The following NF1 variants were observed in gnomAD, a reference collection of about 807,000 sequenced individuals.
NF1 encodes the protein neurofibromin.
A neutral mutation model predicts 325.7 loss-of-function variants in NF1; 122 were observed. The ratio of observed to expected loss-of-function variants is 0.37; its 90% CI spans 0.32 to 0.44. The LOEUF (loss-of-function observed/expected upper bound fraction) is 0.44. Among genes scored for constraint, NF1 ranks in the 20% least tolerant of loss-of-function variants. NF1 has a pLI of 1.00. For synonymous variants in NF1, 1,091 were observed against 1,186.0 expected (o/e 0.92, Z 1.65); for missense variants, 2,140 against 3,415.4 (o/e 0.63, Z 9.31).
chr17:31,193,765 C>T (rs1266200103), intron 8 of NF1, among the ~76,000 whole-genome samples: 2 of 151,966 alleles, frequency 1.3e-5, no homozygotes, highest in African/African-American at 4.8e-5. Flanking sequence ...GACACATGAC[C>T]AACAGATATA....
intron 1 of NF1, among the ~76,000 whole-genome samples, chr17:31,143,099 C>T (rs1916348678): frequency 6.6e-6 from 1 of 152,066 alleles, no homozygotes; most frequent in South Asian, 2.1e-4. Context: ...AGAATTTATA[C>T]ATTTTCTTGT....
chr17:31,285,277 T>TAAAAA (rs36047376), intron 36 of NF1, among the ~76,000 whole-genome samples: 5 of 120,876 alleles, frequency 4.1e-5, no homozygotes, highest in African/African-American at 1.6e-4. Flanking sequence ...AGATTCTGTT[T>TAAAAA]AAAAAAAAAA....
rs2151559216 is a variant in NF1 at position 31,338,742 on chromosome 17, C to T, written c.6858C>T (p.Asn2286=). The change falls in exon 46 of 58, where the codon AAC becomes AAT. Residue 2286 remains asparagine (N), a synonymous_variant. Coordinates refer to ENST00000358273, the MANE Select transcript of NF1 (RefSeq NM_001042492.3). Reference sequence around the variant, plus strand: ...GCTTAAAAGGACCTGACACTTACAACAGTCAAGTTCTGATAGAAGCTACAG... The same window carrying T: ...GCTTAAAAGGACCTGACACTTACAATAGTCAAGTTCTGATAGAAGCTACAG... ...ESCLKGPDTY[N]SQVLIEATVI... is the part of the protein sequence containing the mutation. The T allele has an allele frequency of 6.2e-7, 1 of 1,613,272 alleles. No homozygotes were observed. The highest frequency in any genetic ancestry group is 8.5e-7 in the Non-Finnish European group (1 of 1,179,462).
chr17:31,310,783 T>C (rs902203601), intron 36 of NF1, among the ~76,000 whole-genome samples: 2 of 152,200 alleles, frequency 1.3e-5, no homozygotes, highest in Non-Finnish European at 2.9e-5. Context: ...TGCCGGTTTT[T>C]ACTCATTATT....
Position 31,130,057 on chromosome 17 carries a change from C to T in NF1, c.61-25926C>T, listed in dbSNP as rs149853997. Among the ~76,000 whole-genome samples, 17 of 148,272 alleles carry T rather than the reference C, an allele frequency of 1.1e-4. No individual in the cohort carries two copies. The East Asian group carries it at 3.2e-3, about 28-fold the overall frequency. ...TCATCTTTGTGGGCTGATGTTCCTT[C>T]AGTCTTTGAAGTCGCTGTTTTTTTT... On this transcript the variant is annotated intron_variant, in intron 1 of 57. Coordinates refer to ENST00000358273, the MANE Select transcript of NF1 (RefSeq NM_001042492.3).
chr17:31,205,076 T>G (rs2066596656), intron 11 of NF1, among the ~76,000 whole-genome samples: 1 of 152,158 alleles, frequency 6.6e-6, no homozygotes, highest in Non-Finnish European at 1.5e-5. Context: ...AGTTCAGTAT[T>G]CAAAATGTGT....
intron 36 of NF1, chr17:31,295,027 C>T (rs2068431264): frequency 6.2e-7 from 1 of 1,614,074 alleles, no homozygotes; most frequent in Non-Finnish European, 8.5e-7. Context: ...CCAGCATGAC[C>T]ACAACATTGA....
intron 34 of NF1, 36 bp from the exon 35 acceptor site, chr17:31,261,674 CT>C: frequency 6.2e-7 from 1 of 1,611,046 alleles, no homozygotes; most frequent in Admixed American, 1.7e-5. Context: ...TAAATGTGAA[CT>C]GCTAATTTTT....
At chr17:31,226,782 A>C in intron 18 of NF1, 98 bp downstream of exon 18, 1 of 1,509,792 alleles carries the variant, frequency 6.6e-7, no homozygotes, top group South Asian at 1.1e-5. Context: ...GTAAGTTTAC[A>C]GGGGAAATTC....
chr17:31,225,691 T>G (rs2067001463), intron 17 of NF1, among the ~76,000 whole-genome samples: 1 of 152,216 alleles, frequency 6.6e-6, no homozygotes, highest in African/African-American at 2.4e-5. Flanking sequence ...GATTTGTGTT[T>G]GTGTGTATAA....
intron 56 of NF1, chr17:31,359,884 C>CT (rs749747128): frequency 1.3e-4 from 20 of 157,866 alleles, no homozygotes; most frequent in Non-Finnish European, 2.0e-4. Flanking sequence ...CTGTTTCTTC[C>CT]TTAAACAGTT....
chr17:31,184,407 T>C (rs2066193856), intron 8 of NF1, among the ~76,000 whole-genome samples: 1 of 151,858 alleles, frequency 6.6e-6, no homozygotes, highest in Admixed American at 6.6e-5. Context: ...CCCAGCACTT[T>C]GGGAGGCCGA....
At chr17:31,149,331 CT>C (rs1189092802) in intron 1 of NF1, among the ~76,000 whole-genome samples, 1 of 151,958 alleles carries the variant, frequency 6.6e-6, no homozygotes, top group Non-Finnish European at 1.5e-5. Context: ...GAGACAGAGT[CT>C]TGCTCTGTTG....
chr17:31,262,397 A>G lies in NF1; in HGVS notation c.4724+540A>G, dbSNP rs1454771462. 2.0e-5 allele frequency among the ~76,000 whole-genome samples: 3 copies of G among 152,340 alleles called. No homozygotes were observed. In the East Asian group the frequency reaches 5.8e-4, roughly 29 times the overall value. On this transcript the variant is annotated intron_variant, in intron 35 of 57. Coordinates refer to ENST00000358273, the MANE Select transcript of NF1 (RefSeq NM_001042492.3). ...CCATTTAGTGGGATTTAGTTTGTGA[A>G]TGAAAAGATCCTCATTGTTAGACAC... is the stretch of plus-strand genomic sequence containing the variant.
Position 31,169,842 on chromosome 17 carries a change from G to A in NF1, c.480-49G>A, listed in dbSNP as rs1405328784. On this transcript the variant is annotated intron_variant, in intron 4 of 57. Coordinates refer to ENST00000358273, the MANE Select transcript of NF1 (RefSeq NM_001042492.3). ...ATTACAGGTGTGAGATACCACACCT[G>A]TCCCCTAATACTTAATTTGATAAGT... The A allele has an allele frequency of 3.8e-6, 5 of 1,306,502 alleles. No homozygotes were observed. The Admixed American group carries it at 8.5e-5, about 22-fold the overall frequency. 80.9% of individuals were successfully genotyped at this position (1,306,502 alleles called of 1,614,324 possible).
intron 2 of NF1, among the ~76,000 whole-genome samples, chr17:31,158,716 A>G (rs1199639765): frequency 6.6e-6 from 1 of 152,172 alleles, no homozygotes; most frequent in Non-Finnish European, 1.5e-5. Flanking sequence ...ATTCTGGTAC[A>G]GGTCTATATG....
In NF1 at chr17:31,206,297, C is replaced by T. The variant is rs778405030; in HGVS notation, c.1318C>T (p.Arg440Ter). 4.3e-6 allele frequency: 7 copies of T among 1,613,824 alleles called. No homozygotes were observed. The highest frequency in any genetic ancestry group is 2.2e-5 in the East Asian group (1 of 44,866). The change falls in exon 12 of 58, where the codon CGA becomes TGA. Residue 440 changes from arginine (R) to a stop codon, truncating the protein, a stop_gained. Coordinates refer to ENST00000358273, the MANE Select transcript of NF1 (RefSeq NM_001042492.3). LOFTEE classifies it high-confidence loss of function. ...DAVYCHSVEL[R>*]NMFGETLHKA... ...TGTGTATTGTCACTCGGTTGAACTT[C>T]GAAATATGTTTGGTGAAACACTTCA... is the stretch of plus-strand genomic sequence containing the variant.
At chr17:31,225,512 C>A (rs774911189) in intron 17 of NF1, among the ~76,000 whole-genome samples, 8 of 152,102 alleles carry the variant, frequency 5.3e-5, no homozygotes, top group Non-Finnish European at 1.0e-4. Context: ...GTAAATAGCA[C>A]TTGACACTTA....
intron 36 of NF1, among the ~76,000 whole-genome samples, chr17:31,313,473 G>A (rs867679161): frequency 2.1e-4 from 32 of 152,186 alleles, no homozygotes; most frequent in Middle Eastern, 3.4e-3. Context: ...GGAGGCGGAG[G>A]TAAGCGGATC....
Sources: gnomAD v4.1 joint callset for allele counts (sites outside exome capture counted in the v4.1 genomes callset) on GRCh38, gnomAD v4.1.1 for gene constraint, MANE v1.5 for transcripts, NCBI Gene and HGNC (gene_info 2026-07-23, HGNC 2026-07-21) for gene names.